Variants in ADGRL4 observed in about 807,000 individuals in gnomAD.
ADGRL4 encodes EGF, latrophilin and seven transmembrane domain containing 1.
Under a neutral mutation model 74.8 loss-of-function variants are expected in ADGRL4, and 90 were observed. That is an observed-to-expected ratio of 1.20 (90% CI 1.02 to 1.43). The LOEUF (loss-of-function observed/expected upper bound fraction) is 1.43. ADGRL4 is among the 40% of genes most tolerant of loss of function. ADGRL4 has a pLI of 0.00. For missense variants in ADGRL4, 881 were observed against 814.3 expected (o/e 1.08, Z -1.00); for synonymous variants, 311 against 279.2 (o/e 1.11, Z -1.14).
chr1:78,928,357 T>C (rs1649161526), intron 7 of ADGRL4, among the ~76,000 whole-genome samples: 1 of 151,524 alleles, frequency 6.6e-6, no homozygotes, highest in African/African-American at 2.5e-5. Context: ...GTTTTGAACT[T>C]CTTCAATTCC....
chr1:78,977,920 C>T (rs1650320452), intron 2 of ADGRL4, among the ~76,000 whole-genome samples: 1 of 151,714 alleles, frequency 6.6e-6, no homozygotes. Flanking sequence ...GGCCAGTAGA[C>T]CAGAAAAGAC....
At chr1:78,995,354 C>T (rs776880401) in intron 2 of ADGRL4, among the ~76,000 whole-genome samples, 2 of 152,134 alleles carry the variant, frequency 1.3e-5, no homozygotes, top group Non-Finnish European at 2.9e-5. Context: ...AAAACGCTTC[C>T]TTTATGTGCC....
intron 12 of ADGRL4, among the ~76,000 whole-genome samples, chr1:78,898,519 T>C (rs1648446407): frequency 6.6e-6 from 1 of 152,182 alleles, no homozygotes; most frequent in South Asian, 2.1e-4. Context: ...TCATTTTTTT[T>C]TTTTTAACGA....
chr1:78,978,126 G>A (rs1460803163), intron 2 of ADGRL4, among the ~76,000 whole-genome samples: 3 of 151,838 alleles, frequency 2.0e-5, no homozygotes, highest in Non-Finnish European at 2.9e-5. Flanking sequence ...TAATATAATA[G>A]GATTTCCACT....
At chr1:79,001,952 T>C (rs1312377159) in intron 2 of ADGRL4, among the ~76,000 whole-genome samples, 2 of 152,088 alleles carry the variant, frequency 1.3e-5, no homozygotes, top group Non-Finnish European at 2.9e-5. Flanking sequence ...TTTAAAAAAA[T>C]GTTTGCATTA....
intron 2 of ADGRL4, among the ~76,000 whole-genome samples, chr1:78,965,068 T>C (rs1557514705): frequency 6.6e-6 from 1 of 152,120 alleles, no homozygotes; most frequent in Non-Finnish European, 1.5e-5. Context: ...TTTTAATAAT[T>C]AAAAACAGAA....
chr1:78,982,412 G>A (rs76964250), intron 2 of ADGRL4, among the ~76,000 whole-genome samples: 2,335 of 151,888 alleles, frequency 0.015, 62 homozygotes, highest in African/African-American at 0.054. Context: ...TTAAGACATA[G>A]GGCAATTAAT....
rs141513753 is a variant in ADGRL4 at position 79,001,438 on chromosome 1, G to T, written c.172+3632C>A. Among the ~76,000 whole-genome samples the T allele has an allele frequency of 3.6e-3, 543 of 151,994 alleles. 4 individuals carry two copies. Among genetic ancestry groups the T allele is most frequent in the Middle Eastern group, 0.021 (6 of 292 alleles). Reference sequence around the variant, plus strand: ...TTAAGACAAAAAAGAAAGAAAGAAAGAAAGAAAGAAAAACAAAATATTTAG... The same window carrying T: ...TTAAGACAAAAAAGAAAGAAAGAAATAAAGAAAGAAAAACAAAATATTTAG... On this transcript the variant is annotated intron_variant, in intron 2 of 14. Coordinates refer to ENST00000370742, the MANE Select transcript of ADGRL4 (RefSeq NM_022159.4).
In ADGRL4 at chr1:79,005,100, A is replaced by G; in HGVS notation, c.142T>C (p.Phe48Leu). 1 of 1,612,600 alleles carries G rather than the reference A, an allele frequency of 6.2e-7. No homozygotes were observed. The highest frequency in any genetic ancestry group is 1.1e-5 in the South Asian group (1 of 90,542). ...GIEACYCNMGFSGNGVTICED... is the reference protein window; with the variant it reads ...GIEACYCNMGLSGNGVTICED... ...CAAATTGTGACACCATTTCCTGAAAATCCCATGTTGCAATAGCAGGCTTCA... is the reference window on the plus strand; with the variant it reads ...CAAATTGTGACACCATTTCCTGAAAGTCCCATGTTGCAATAGCAGGCTTCA... The change falls in exon 2 of 15, where the codon TTT becomes CTT. Residue 48 changes from phenylalanine to leucine, a missense_variant. Transcript: ENST00000370742.
At chr1:78,908,834 A>G (rs929137371) in intron 12 of ADGRL4, among the ~76,000 whole-genome samples, 1 of 151,968 alleles carries the variant, frequency 6.6e-6, no homozygotes, top group African/African-American at 2.4e-5. Flanking sequence ...CTATGAGTTT[A>G]TTCAGCTTTT....
chr1:78,937,699 A>G lies in ADGRL4; in HGVS notation c.760+108T>C, dbSNP rs894788272. On this transcript the variant is annotated intron_variant, in intron 6 of 14. Transcript: ENST00000370742. ...TTGTACACTGATAAAACTACTTTCAATGTAATCAATACTAGTTTCAACACC... is the reference window on the plus strand; with the variant it reads ...TTGTACACTGATAAAACTACTTTCAGTGTAATCAATACTAGTTTCAACACC... 2.3e-5 allele frequency: 21 copies of G among 928,008 alleles called. No individual in the cohort carries two copies. The South Asian group carries it at 2.3e-4, about 10-fold the overall frequency. 57.5% of individuals were successfully genotyped at this position (928,008 alleles called of 1,614,324 possible). A position where few individuals can be genotyped will look rare whatever the true frequency, so the allele number is the denominator to read the frequency against.
intron 2 of ADGRL4, among the ~76,000 whole-genome samples, chr1:79,000,663 G>C (rs1650821786): frequency 7.2e-6 from 1 of 139,170 alleles, no homozygotes; most frequent in African/African-American, 2.6e-5. Context: ...AGAGAAAAGA[G>C]GTCATATTTC....
intron 12 of ADGRL4, among the ~76,000 whole-genome samples, chr1:78,902,776 A>G (rs1648546236): frequency 6.6e-6 from 1 of 152,114 alleles, no homozygotes; most frequent in South Asian, 2.1e-4. Context: ...ATTAGTCATG[A>G]TACCAGTGAT....
chr1:78,984,029 C>G (rs920474596), intron 2 of ADGRL4, among the ~76,000 whole-genome samples: 1 of 151,610 alleles, frequency 6.6e-6, no homozygotes, highest in Admixed American at 6.6e-5. Flanking sequence ...GAAGGAATGA[C>G]AAGAAGAAAC....
intron 12 of ADGRL4, among the ~76,000 whole-genome samples, chr1:78,894,673 C>A (rs1648356861): frequency 6.6e-6 from 1 of 151,550 alleles, no homozygotes; most frequent in Non-Finnish European, 1.5e-5. Flanking sequence ...CATATATTTA[C>A]AAATAAGAGT....
At position 78,891,564 on chromosome 1, in the gene ADGRL4, C is replaced by G. The variant is rs755366746; in HGVS notation, c.1970G>C (p.Gly657Ala). 23 of 1,613,148 alleles carry G rather than the reference C, an allele frequency of 1.4e-5. No individual in the cohort carries two copies. The highest frequency in any genetic ancestry group is 1.9e-5 in the Non-Finnish European group (23 of 1,179,604). Residue 657 changes from glycine (G) to alanine (A), a missense_variant, in exon 14 of 15, where the codon GGG becomes GCG. Physicochemically the swap from Gly to Ala is moderately conservative, Grantham distance 60. Coordinates refer to ENST00000370742, the MANE Select transcript of ADGRL4 (RefSeq NM_022159.4). Reference sequence around the variant, plus strand: ...ACACAGGAATAAAAAAATGAACATCCCCTGGAAAGCATTGCTGACTGTGAA... The same window carrying G: ...ACACAGGAATAAAAAAATGAACATCGCCTGGAAAGCATTGCTGACTGTGAA... ...YLFTVSNAFQ[G>A]MFIFLFLCVL...
At chr1:78,921,822 A>G (rs767777602) in intron 8 of ADGRL4, 36 bp from the exon 9 acceptor site, 1 of 1,229,826 alleles carries the variant, frequency 8.1e-7, no homozygotes, top group Admixed American at 2.8e-5. Flanking sequence ...AAAAAAGAGA[A>G]AAAGTTACAT....
intron 6 of ADGRL4, among the ~76,000 whole-genome samples, chr1:78,936,751 CTAA>C (rs900884267): frequency 1.5e-4 from 23 of 152,158 alleles, no homozygotes; most frequent in African/African-American, 5.6e-4. Context: ...CTACAACTTA[CTAA>C]TGAGTGATTT....
chr1:78,984,538 G>T (rs1007600047), intron 2 of ADGRL4, among the ~76,000 whole-genome samples: 3 of 150,574 alleles, frequency 2.0e-5, no homozygotes, highest in African/African-American at 2.5e-5. Context: ...GTGACAAAAG[G>T]CACAAAATGT....
Sources: allele counts gnomAD v4.1 joint callset (sites outside exome capture counted in the v4.1 genomes callset), GRCh38; gene constraint gnomAD v4.1.1; transcripts MANE v1.5; gene names NCBI Gene and HGNC (gene_info 2026-07-23, HGNC 2026-07-21).